Variants in PRKG1 observed in about 807,000 individuals in gnomAD.
PRKG1 encodes cGMP-dependent protein kinase 1.
Under a neutral mutation model 88.1 loss-of-function variants are expected in PRKG1, and 35 were observed. The observed-to-expected ratio is 0.40, with a 90% confidence interval of 0.30 to 0.53. PRKG1 has a LOEUF of 0.53. Ranked by LOEUF, PRKG1 falls within the 20% of genes least tolerant of loss-of-function variation. PRKG1 has a pLI of 0.59. For missense variants in PRKG1, 540 were observed against 839.8 expected (o/e 0.64, Z 4.41); for synonymous variants, 303 against 292.5 (o/e 1.04, Z -0.37).
At chr10:52,069,238 T>A (rs977704492) in intron 7 of PRKG1, among the ~76,000 whole-genome samples, 3 of 152,186 alleles carry the variant, frequency 2.0e-5, no homozygotes, top group Admixed American at 6.5e-5. Context: ...TTTAAAAAAT[T>A]AATAAAATTT....
intron 2 of PRKG1, among the ~76,000 whole-genome samples, chr10:51,402,068 A>G (rs1377048461): frequency 1.3e-5 from 2 of 152,222 alleles, no homozygotes; most frequent in Non-Finnish European, 2.9e-5. Context: ...GAAAAGCTAT[A>G]TAAATATTGG....
intron 2 of PRKG1, among the ~76,000 whole-genome samples, chr10:51,303,915 G>C (rs1036389093): frequency 2.0e-5 from 3 of 152,014 alleles, no homozygotes; most frequent in Admixed American, 1.3e-4. Flanking sequence ...CCACCCCCAG[G>C]TTCAAGCAAT....
intron 3 of PRKG1, among the ~76,000 whole-genome samples, chr10:51,604,485 C>G (rs1442034000): frequency 6.6e-6 from 1 of 152,138 alleles, no homozygotes; most frequent in East Asian, 1.9e-4. Context: ...TCTTTAAAGG[C>G]CCAAACCATA....
intron 5 of PRKG1, among the ~76,000 whole-genome samples, chr10:52,033,944 A>G (rs10823982): frequency 0.11 from 16,609 of 146,236 alleles, 1,105 homozygotes; most frequent in East Asian, 0.28. Context: ...GTTCTCTGGC[A>G]GGCAGCAGTG....
At chr10:51,505,919 C>G (rs1841186398) in intron 3 of PRKG1, among the ~76,000 whole-genome samples, 1 of 150,446 alleles carries the variant, frequency 6.6e-6, no homozygotes, top group Non-Finnish European at 1.5e-5. Flanking sequence ...TTCAAAAAAC[C>G]AGCTCCTGGA....
intron 2 of PRKG1, among the ~76,000 whole-genome samples, chr10:51,327,044 C>T (rs1292689049): frequency 1.3e-5 from 2 of 152,180 alleles, no homozygotes; most frequent in Non-Finnish European, 2.9e-5. Flanking sequence ...GAATATTTAC[C>T]ATTTAATCAA....
intron 3 of PRKG1, among the ~76,000 whole-genome samples, chr10:51,542,138 A>T (rs1421782532): frequency 6.6e-6 from 1 of 152,080 alleles, no homozygotes; most frequent in Non-Finnish European, 1.5e-5. Flanking sequence ...TCATGTTTCC[A>T]TATAAGCACA....
Position 51,276,225 on chromosome 10 carries a change from C to T in PRKG1, c.478+122895C>T, listed in dbSNP as rs181581094. On this transcript the variant is annotated intron_variant, in intron 2 of 17. Transcript: ENST00000373980. ...TGAGAAAATGCGGTGTTTGGTTTTT[C>T]GTCCTTGTGATAGTTTGCTGAGAAT... 2.4e-3 allele frequency among the ~76,000 whole-genome samples: 364 copies of T among 151,948 alleles called. 1 individual carries two copies. The highest frequency in any genetic ancestry group is 7.8e-3 in the African/African-American group (324 of 41,462).
At chr10:52,042,886 AC>A (rs1175543931) in intron 5 of PRKG1, among the ~76,000 whole-genome samples, 3 of 152,128 alleles carry the variant, frequency 2.0e-5, no homozygotes, top group Non-Finnish European at 4.4e-5. Flanking sequence ...CAATAAAAAA[AC>A]AAATAACTTG....
intron 7 of PRKG1, among the ~76,000 whole-genome samples, chr10:52,106,695 C>T (rs1032502040): frequency 7.3e-6 from 1 of 136,722 alleles, no homozygotes; most frequent in East Asian, 2.1e-4. Context: ...CAGAGCGAGA[C>T]TCTGTCCCAA....
intron 10 of PRKG1, 111 bp from the exon 11 acceptor site, chr10:52,271,236 TTGG>T: frequency 8.9e-7 from 1 of 1,119,728 alleles, no homozygotes; most frequent in Non-Finnish European, 1.3e-6. Context: ...GTGTTTTGAC[TTGG>T]GAGGTGGCTG....
chr10:51,663,549 GA>G (rs147288115), intron 3 of PRKG1, among the ~76,000 whole-genome samples: 13,033 of 146,516 alleles, frequency 0.089, 772 homozygotes, highest in Admixed American at 0.14. Context: ...TACAAAAAAA[GA>G]AAAAAAAAAC....
At chr10:52,186,997 A>T (rs1185270264) in intron 9 of PRKG1, among the ~76,000 whole-genome samples, 1 of 152,210 alleles carries the variant, frequency 6.6e-6, no homozygotes, top group African/African-American at 2.4e-5. Flanking sequence ...CAAATGTTAG[A>T]CTAAAACCAA....
At chr10:52,113,200 G>A (rs1847607095) in intron 7 of PRKG1, among the ~76,000 whole-genome samples, 1 of 152,192 alleles carries the variant, frequency 6.6e-6, no homozygotes, top group African/African-American at 2.4e-5. Flanking sequence ...AATGTGCATA[G>A]TTGCTAATCT....
At chr10:51,485,857 C>CT (rs1178379266) in intron 3 of PRKG1, among the ~76,000 whole-genome samples, 1 of 152,134 alleles carries the variant, frequency 6.6e-6, no homozygotes, top group Non-Finnish European at 1.5e-5. Context: ...TAGCAGCTTG[C>CT]TAACGGTGTC....
chr10:52,188,860 C>T (rs913982667), intron 9 of PRKG1, among the ~76,000 whole-genome samples: 5 of 152,112 alleles, frequency 3.3e-5, no homozygotes, highest in Admixed American at 6.5e-5. Context: ...ATTCAAAGAA[C>T]AGTACATCAT....
At chr10:51,568,191 T>C (rs1243480907) in intron 3 of PRKG1, among the ~76,000 whole-genome samples, 2 of 152,086 alleles carry the variant, frequency 1.3e-5, no homozygotes, top group South Asian at 2.1e-4. Flanking sequence ...TTCACCCTTA[T>C]GTATTTTCAG....
chr10:52,128,294 G>T (rs1283854693), intron 7 of PRKG1: 3 of 985,252 alleles, frequency 3.0e-6, no homozygotes, highest in Non-Finnish European at 3.6e-6. Flanking sequence ...AAAAGGGAGA[G>T]CCCCTACTCT....
intron 5 of PRKG1, among the ~76,000 whole-genome samples, chr10:51,996,145 T>C (rs1844434270): frequency 2.0e-5 from 3 of 151,212 alleles, no homozygotes; most frequent in Non-Finnish European, 4.4e-5. Flanking sequence ...ACACCGTCTC[T>C]ACTAAAAAAT....
Sources: allele counts gnomAD v4.1 joint callset (sites outside exome capture counted in the v4.1 genomes callset), GRCh38; gene constraint gnomAD v4.1.1; transcripts MANE v1.5; gene names NCBI Gene and HGNC (gene_info 2026-07-23, HGNC 2026-07-21).